Variants in GALNT13 observed in about 807,000 individuals in gnomAD.
GALNT13 encodes UDP-GalNAc:polypeptide N-acetylgalactosaminyltransferase 13.
GALNT13 carries 28 observed loss-of-function variants against 64.2 expected under a neutral mutation model. The observed-to-expected ratio is 0.44, with a 90% CI of 0.32 to 0.60. GALNT13 has a LOEUF of 0.60. Ranked by LOEUF, GALNT13 falls within the 20% of genes least tolerant of loss-of-function variation. The probability of loss-of-function intolerance (pLI) is 0.05; values close to 1 mark genes in which losing one functional copy is unlikely to be tolerated. For synonymous variants in GALNT13, 214 were observed against 224.6 expected (o/e 0.95, Z 0.42); for missense variants, 577 against 669.8 (o/e 0.86, Z 1.53).
the GALNT13 span, among the ~76,000 whole-genome samples, chr2:153,666,190 G>A: frequency 2.0e-5 from 3 of 151,992 alleles, no homozygotes; most frequent in Admixed American, 6.6e-5. Context: ...CCATCAGAGA[G>A]CTTCTGCAGG....
chr2:154,445,615 TTAA>T lies in GALNT13; in HGVS notation c.1531-4793_1531-4791del, dbSNP rs534283452. ...TACAGTTTTAATATTAACTACATAG[TTAA>T]TATTATGAATACAATGTTATTTTTT... On this transcript the variant is annotated intron_variant, in intron 12 of 12. Transcript: ENST00000392825. Among the ~76,000 whole-genome samples the T allele has an allele frequency of 1.8e-4, 27 of 152,166 alleles. No homozygotes were observed. The East Asian group carries it at 4.1e-3, about 23-fold the overall frequency.
the GALNT13 span, among the ~76,000 whole-genome samples, chr2:153,426,870 A>AT: frequency 6.6e-6 from 1 of 151,988 alleles, no homozygotes; most frequent in Non-Finnish European, 1.5e-5. Context: ...TTGTGAAAGT[A>AT]TTTTTATGTT....
chr2:153,178,476 G>T, the GALNT13 span, among the ~76,000 whole-genome samples: 3 of 151,980 alleles, frequency 2.0e-5, no homozygotes, highest in Admixed American at 6.6e-5. Context: ...TGAATATTTT[G>T]TCATATGTCT....
At chr2:153,129,504 G>C in the GALNT13 span, among the ~76,000 whole-genome samples, 2 of 152,210 alleles carry the variant, frequency 1.3e-5, no homozygotes, top group Admixed American at 6.5e-5. Flanking sequence ...GCTGGGCGCA[G>C]TGGCTTACAC....
Position 154,245,765 on chromosome 2 carries a change from C to T in GALNT13, c.687-47C>T, listed in dbSNP as rs749579339. The T allele has an allele frequency of 1.1e-5, 14 of 1,273,346 alleles. No homozygotes were observed. The Admixed American group carries it at 1.7e-4, about 15-fold the overall frequency. 78.9% of individuals were successfully genotyped at this position (1,273,346 alleles called of 1,614,324 possible). The stretch of plus-strand genomic sequence containing the variant: ...AATCAGTTTGAAGAAGATAATGTAA[C>T]ATTTTAATTATCATGTGTCTATAAA... On this transcript the variant is annotated intron_variant, in intron 6 of 12. Transcript: ENST00000392825.
intron 4 of GALNT13, among the ~76,000 whole-genome samples, chr2:154,212,075 T>C (rs937504292): frequency 1.3e-5 from 2 of 152,290 alleles, no homozygotes; most frequent in African/African-American, 2.4e-5. Flanking sequence ...AAAGAAACTT[T>C]ACTAGCATAT....
intron 3 of GALNT13, among the ~76,000 whole-genome samples, chr2:154,109,687 G>T (rs1411036469): frequency 6.6e-6 from 1 of 152,150 alleles, no homozygotes; most frequent in Non-Finnish European, 1.5e-5. Context: ...GGTGATGAAA[G>T]TTTGTTGAAT....
intron 1 of GALNT13, among the ~76,000 whole-genome samples, chr2:153,891,891 G>A (rs55656246): frequency 0.14 from 21,206 of 151,772 alleles, 1,686 homozygotes; most frequent in South Asian, 0.21. Flanking sequence ...TTCAGGATTC[G>A]CTGAATTGAT....
intron 9 of GALNT13, among the ~76,000 whole-genome samples, chr2:154,389,776 C>T (rs1304414570): frequency 6.6e-6 from 1 of 152,036 alleles, no homozygotes; most frequent in East Asian, 1.9e-4. Context: ...TCCATATCCT[C>T]AATTGACTAA....
the GALNT13 span, among the ~76,000 whole-genome samples, chr2:153,838,865 C>A: frequency 6.6e-6 from 1 of 151,798 alleles, no homozygotes; most frequent in African/African-American, 2.4e-5. Flanking sequence ...CTTTAGACAA[C>A]TTTAGGTAAT....
At chr2:153,667,803 A>G in the GALNT13 span, among the ~76,000 whole-genome samples, 1 of 152,192 alleles carries the variant, frequency 6.6e-6, no homozygotes, top group Non-Finnish European at 1.5e-5. Flanking sequence ...AAATGGCTAA[A>G]TTCTCCACTT....
the GALNT13 span, among the ~76,000 whole-genome samples, chr2:153,361,939 A>T: frequency 6.6e-6 from 1 of 152,160 alleles, no homozygotes; most frequent in Non-Finnish European, 1.5e-5. Context: ...CAAGGTTGGA[A>T]TGAAGGAGAA....
chr2:154,368,062 T>C (rs752544143), intron 9 of GALNT13, among the ~76,000 whole-genome samples: 17 of 152,286 alleles, frequency 1.1e-4, no homozygotes, highest in Admixed American at 2.6e-4. Flanking sequence ...CAGCGGACAT[T>C]GAAATATGAG....
chr2:154,191,266 C>G (rs77639881), intron 4 of GALNT13, among the ~76,000 whole-genome samples: 3 of 152,148 alleles, frequency 2.0e-5, no homozygotes, highest in Non-Finnish European at 4.4e-5. Context: ...CGCGCACGCA[C>G]GCACACACAC....
At chr2:153,297,530 G>A in the GALNT13 span, among the ~76,000 whole-genome samples, 1 of 152,182 alleles carries the variant, frequency 6.6e-6, no homozygotes, top group Non-Finnish European at 1.5e-5. Flanking sequence ...TGACAAGGTA[G>A]AGTTAGAGAC....
At chr2:153,681,650 T>C in the GALNT13 span, among the ~76,000 whole-genome samples, 1 of 151,774 alleles carries the variant, frequency 6.6e-6, no homozygotes, top group African/African-American at 2.4e-5. Flanking sequence ...CTTTCCTCAT[T>C]CTTCCCCTTT....
At chr2:153,456,472 T>G in the GALNT13 span, among the ~76,000 whole-genome samples, 1 of 152,288 alleles carries the variant, frequency 6.6e-6, no homozygotes, top group South Asian at 2.1e-4. Context: ...TAAAGCCTGG[T>G]TAAGGAAAGC....
chr2:153,510,879 A>G, the GALNT13 span, among the ~76,000 whole-genome samples: 1 of 152,070 alleles, frequency 6.6e-6, no homozygotes, highest in Non-Finnish European at 1.5e-5. Context: ...AGAAGGAAAG[A>G]GTTACCCAGC....
chr2:153,121,282 C>G, the GALNT13 span, among the ~76,000 whole-genome samples: 1 of 152,186 alleles, frequency 6.6e-6, no homozygotes, highest in African/African-American at 2.4e-5. Context: ...TTTCTAATTT[C>G]AAAAGCAGTC....
Sources: allele counts gnomAD v4.1 joint callset (sites outside exome capture counted in the v4.1 genomes callset), GRCh38; gene constraint gnomAD v4.1.1; transcripts MANE v1.5; gene names NCBI Gene and HGNC (gene_info 2026-07-23, HGNC 2026-07-21).